The following PHF3 variants were observed in gnomAD, a reference collection of about 807,000 sequenced individuals.
PHF3 encodes PHD finger protein 3.
A neutral mutation model predicts 178.4 loss-of-function variants in PHF3; 41 were observed. The ratio of observed to expected loss-of-function variants is 0.23; its 90% confidence interval spans 0.18 to 0.30. The LOEUF (loss-of-function observed/expected upper bound fraction) is 0.30, where lower values mean the gene tolerates loss of function less well. Among genes scored for constraint, PHF3 ranks in the 10% least tolerant of loss-of-function variants. The pLI is 1.00. For missense variants in PHF3, 2,346 were observed against 2,398.1 expected (o/e 0.98, Z 0.45); for synonymous variants, 842 against 800.5 (o/e 1.05, Z -0.88).
chr6:63,661,031 C>T (rs2149555852), intron 2 of PHF3, among the ~76,000 whole-genome samples: 1 of 152,210 alleles, frequency 6.6e-6, no homozygotes, highest in East Asian at 1.9e-4. Context: ...ACCCTTGTGT[C>T]TTCTGTCAGT....
intron 1 of PHF3, among the ~76,000 whole-genome samples, chr6:63,644,063 C>T (rs1412080700): frequency 1.3e-5 from 2 of 152,140 alleles, no homozygotes; most frequent in African/African-American, 4.8e-5. Flanking sequence ...ACAGGAAGAC[C>T]TCATAGGAAG....
Position 63,684,295 on chromosome 6 carries a change from T to C in PHF3, c.573T>C (p.Pro191=), listed in dbSNP as rs764932624. 8 of 1,613,974 alleles carry C rather than the reference T, an allele frequency of 5.0e-6. No homozygotes were observed. Among genetic ancestry groups the C allele is most frequent in the Non-Finnish European group, 5.1e-6 (6 of 1,179,898 alleles). The change falls in exon 4 of 16, where the codon CCT becomes CCC. Residue 191 remains proline, a synonymous_variant. Transcript: ENST00000262043. Reference sequence around the variant, plus strand: ...AAGAAGTATGTATGTCACTGAAACCTGAGTACCATAAGGAGAATAGAAGGT... The same window carrying C: ...AAGAAGTATGTATGTCACTGAAACCCGAGTACCATAAGGAGAATAGAAGGT... ...VKEEVCMSLK[P]EYHKENRRCS... is the part of the protein sequence containing the mutation.
Position 63,700,509 on chromosome 6 carries a change from G to A in PHF3, c.3099+43G>A, listed in dbSNP as rs145251269. ...TATGCATTTGACTATCAAAATCTAT[G>A]TTTTTCAGCCATTGGGTAAAAATTA... On this transcript the variant is annotated intron_variant, in intron 9 of 15. Coordinates refer to ENST00000262043, the MANE Select transcript of PHF3 (RefSeq NM_001370348.2). 1,084 of 1,080,672 alleles carry A rather than the reference G, an allele frequency of 1.0e-3. 11 individuals are homozygous for A. The African/African-American group carries it at 0.013, about 13-fold the overall frequency. 66.9% of individuals were successfully genotyped at this position (1,080,672 alleles called of 1,614,324 possible).
intron 1 of PHF3, among the ~76,000 whole-genome samples, chr6:63,638,506 A>T (rs79211912): frequency 6.6e-6 from 1 of 152,032 alleles, no homozygotes; most frequent in Non-Finnish European, 1.5e-5. Flanking sequence ...TTTTCTGGAG[A>T]TAATAACTTT....
chr6:63,678,901 C>CT, intron 2 of PHF3: 1 of 436,008 alleles, frequency 2.3e-6, no homozygotes, highest in Non-Finnish European at 4.5e-6. Context: ...TAGATAACTC[C>CT]TTGAGGTTCC....
At chr6:63,709,594 A>G (rs796603925) in intron 14 of PHF3, among the ~76,000 whole-genome samples, 1 of 152,308 alleles carries the variant, frequency 6.6e-6, no homozygotes, top group African/African-American at 2.4e-5. Flanking sequence ...AGAATCTAAA[A>G]TATAGTGACT....
In PHF3 at chr6:63,720,254, C is replaced by T. The variant is rs1027520747; in HGVS notation, c.*6546C>T. ...TTTAAACATTTTAAAGTTCAGCTTA[C>T]ACATTGATTTTTAAAATTGTGTTTA... is the stretch of plus-strand genomic sequence containing the variant. On this transcript the variant is annotated 3_prime_UTR_variant, in exon 16 of 16. Transcript: ENST00000262043. 6.1e-6 allele frequency: 2 copies of T among 329,722 alleles called. No individual in the cohort carries two copies. Among genetic ancestry groups the T allele is most frequent in the Non-Finnish European group, 1.1e-5 (2 of 181,892 alleles). 20.4% of individuals were successfully genotyped at this position (329,722 alleles called of 1,614,324 possible).
At chr6:63,641,613 T>G (rs1197634544) in intron 1 of PHF3, among the ~76,000 whole-genome samples, 1 of 151,624 alleles carries the variant, frequency 6.6e-6, no homozygotes, top group Non-Finnish European at 1.5e-5. Flanking sequence ...ACTTTGAAGG[T>G]GTTTTAAAGT....
chr6:63,711,451 G>C, intron 15 of PHF3, 89 bp downstream of exon 15: 1 of 1,358,798 alleles, frequency 7.4e-7, no homozygotes, highest in Non-Finnish European at 1.0e-6. Context: ...TTCTTTCTCA[G>C]GATCCAGCCC....
chr6:63,694,605 TC>T lies in PHF3; in HGVS notation c.2522del (p.Ser841Ter). On this transcript the variant is annotated frameshift_variant, in exon 6 of 16. Transcript: ENST00000262043. LOFTEE classifies it high-confidence loss of function. Reference sequence around the variant, plus strand: ...GGAGTCTGGTGAAGGCAGAAATTCATCAGACTGTAGAGATAATGAAATTAAA... The same window carrying T: ...GGAGTCTGGTGAAGGCAGAAATTCATAGACTGTAGAGATAATGAAATTAAA... ...KRESGEGRNS[S>X]DCRDNEIKKW... 6.5e-7 allele frequency: 1 copy of T among 1,536,592 alleles called. No homozygotes were observed. Among genetic ancestry groups the T allele is most frequent in the South Asian group, 1.3e-5 (1 of 77,634 alleles).
rs1417681929 is a variant in PHF3 at position 63,680,119 on chromosome 6, T to A, written c.364T>A (p.Ser122Thr). Reference sequence around the variant, plus strand: ...CTTAAGGGACAAGGTAGAAGAAAATTCAGTGAGATCTCCAAGAAAATCACC... The same window carrying A: ...CTTAAGGGACAAGGTAGAAGAAAATACAGTGAGATCTCCAAGAAAATCACC... ...RNLRDKVEEN[S>T]VRSPRKSPRL... The change falls in exon 3 of 16, where the codon TCA (serine) becomes ACA (threonine). Residue 122 changes from serine (S) to threonine (T), a missense_variant. Physicochemically the swap from Ser to Thr is moderately conservative, Grantham distance 58 (BLOSUM62 1). Around this residue, in one of 8 missense-constraint regions of PHF3, gnomAD observed 843 missense variants for 795.2 expected, o/e 1.06. Coordinates refer to ENST00000262043, the MANE Select transcript of PHF3 (RefSeq NM_001370348.2). 3 of 1,610,516 alleles carry A rather than the reference T, an allele frequency of 1.9e-6. No individual in the cohort carries two copies. Among genetic ancestry groups the A allele is most frequent in the Non-Finnish European group, 2.5e-6 (3 of 1,178,728 alleles).
intron 2 of PHF3, among the ~76,000 whole-genome samples, chr6:63,665,486 G>GTTTTTTT (rs11427203): frequency 1.8e-5 from 2 of 111,216 alleles, no homozygotes; most frequent in African/African-American, 7.1e-5. Flanking sequence ...GTTTTTTTTT[G>GTTTTTTT]TTTTTTTTTT....
chr6:63,643,234 G>A (rs1015791786), intron 1 of PHF3, among the ~76,000 whole-genome samples: 1 of 151,908 alleles, frequency 6.6e-6, no homozygotes, highest in African/African-American at 2.4e-5. Context: ...TGGCTAATTT[G>A]TTTGCCTGTT....
At chr6:63,683,985 C>T in intron 3 of PHF3, 144 bp from the exon 4 acceptor site, 1 of 554,668 alleles carries the variant, frequency 1.8e-6, no homozygotes, top group Non-Finnish European at 3.2e-6. Context: ...TATATCATGT[C>T]ACCATTATGA....
chr6:63,694,535 T>C (rs1413195198), intron 5 of PHF3, 46 bp from the exon 6 acceptor site: 4 of 1,292,476 alleles, frequency 3.1e-6, no homozygotes, highest in Non-Finnish European at 4.1e-6. Flanking sequence ...AAAACAAAGA[T>C]TGTTTAGTTA....
chr6:63,651,025 A>G (rs1254297739), intron 2 of PHF3, among the ~76,000 whole-genome samples: 1 of 152,038 alleles, frequency 6.6e-6, no homozygotes, highest in Admixed American at 6.6e-5. Flanking sequence ...TTTGTTTATT[A>G]TTAGTTGATT....
rs1287458757 is a variant in PHF3, at chr6:63,675,861, A to G, written c.245-4139A>G. On this transcript the variant is annotated intron_variant, in intron 2 of 15. Coordinates refer to ENST00000262043, the MANE Select transcript of PHF3 (RefSeq NM_001370348.2). ...TCCATTAAACTTAAAAGCGACTACA[A>G]TTATTGTCATTCTTCATTTACTTAC... 3.9e-5 allele frequency among the ~76,000 whole-genome samples: 6 copies of G among 152,102 alleles called. No individual in the cohort carries two copies. The East Asian group carries it at 7.7e-4, about 20-fold the overall frequency.
At chr6:63,683,088 A>G (rs1766509971) in intron 3 of PHF3, among the ~76,000 whole-genome samples, 1 of 152,050 alleles carries the variant, frequency 6.6e-6, no homozygotes, top group African/African-American at 2.4e-5. Context: ...ACTTAACCTA[A>G]TACTCAGATA....
At chr6:63,694,218 T>A (rs1446580352) in intron 5 of PHF3, among the ~76,000 whole-genome samples, 2 of 152,226 alleles carry the variant, frequency 1.3e-5, no homozygotes, top group Non-Finnish European at 2.9e-5. Context: ...CCAATAGGCA[T>A]ACTGAGAACT....
Sources: allele counts gnomAD v4.1 joint callset (sites outside exome capture counted in the v4.1 genomes callset), GRCh38; gene constraint gnomAD v4.1.1; regional missense constraint gnomAD v4.1.1; transcripts MANE v1.5; gene names NCBI Gene and HGNC (gene_info 2026-07-23, HGNC 2026-07-21).